PRKN: variants seen among roughly 807,000 people sequenced by gnomAD.
PRKN encodes the protein E3 ubiquitin-protein ligase parkin.
A neutral mutation model predicts 59.5 loss-of-function variants in PRKN; 56 were observed. The ratio of observed to expected loss-of-function variants is 0.94; its 90% CI spans 0.76 to 1.18. The LOEUF (loss-of-function observed/expected upper bound fraction) is 1.18, where lower values mean the gene tolerates loss of function less well. Among genes scored for constraint, PRKN ranks in the 50% most tolerant of loss-of-function variants. The pLI is 0.00. For missense variants in PRKN, 657 were observed against 596.4 expected (o/e 1.10, Z -1.06); for synonymous variants, 250 against 222.1 (o/e 1.13, Z -1.12).
chr6:161,785,802 G>T lies in PRKN; in HGVS notation c.841C>A (p.Pro281Thr), dbSNP rs1790390305. Reference protein sequence around the residue: ...RLNDRQFVHDPQLGYSLPCVA... With the variant: ...RLNDRQFVHDTQLGYSLPCVA... ...CAAGGCAGGGAGTAGCCAAGTTGAG[G>T]GTCGTGAACAAACTGCCGATCATTG... is the stretch of plus-strand genomic sequence containing the variant. Residue 281 changes from proline to threonine, a missense_variant, in exon 7 of 12, where the codon CCT (proline) becomes ACT (threonine). Pro to Thr is a conservative substitution (Grantham distance 38). Transcript: ENST00000366898. 2 of 1,614,084 alleles carry T rather than the reference G, an allele frequency of 1.2e-6. No individual in the cohort carries two copies. The highest frequency in any genetic ancestry group is 1.1e-5 in the South Asian group (1 of 91,034).
At chr6:162,511,369 G>C (rs1777609521) in intron 1 of PRKN, among the ~76,000 whole-genome samples, 1 of 151,790 alleles carries the variant, frequency 6.6e-6, no homozygotes, top group Non-Finnish European at 1.5e-5. Context: ...TTGCCTTAAA[G>C]TGCAGTTTGT....
In PRKN at chr6:161,365,152, AG is replaced by A. The variant is rs1490273284; in HGVS notation, c.1168-4948del. Among the ~76,000 whole-genome samples the A allele has an allele frequency of 2.8e-5, 4 of 143,158 alleles. No individual in the cohort carries two copies. The East Asian group carries it at 7.7e-4, about 28-fold the overall frequency. 93.9% of individuals were successfully genotyped at this position (143,158 alleles called of 152,430 possible). A position where few individuals can be genotyped will look rare whatever the true frequency, so the allele number is the denominator to read the frequency against. On this transcript the variant is annotated intron_variant, in intron 10 of 11. Transcript: ENST00000366898. ...GGAAATGGCAAACAAAAGAGTCAAAAGAAAGGCAAGAAGTAAAAGTAAAACT... is the reference window on the plus strand; with the variant it reads ...GGAAATGGCAAACAAAAGAGTCAAAAAAAGGCAAGAAGTAAAAGTAAAACT...
At chr6:161,833,624 G>C (rs1328105243) in intron 6 of PRKN, among the ~76,000 whole-genome samples, 1 of 152,114 alleles carries the variant, frequency 6.6e-6, no homozygotes, top group African/African-American at 2.4e-5. Context: ...TCGGATGTCC[G>C]GGTGGGCAGG....
At chr6:162,134,378 C>T (rs183331445) in intron 4 of PRKN, among the ~76,000 whole-genome samples, 1 of 152,156 alleles carries the variant, frequency 6.6e-6, no homozygotes, top group African/African-American at 2.4e-5. Flanking sequence ...CCTTGCTTTC[C>T]TTTGTTTTGT....
intron 1 of PRKN, among the ~76,000 whole-genome samples, chr6:162,660,740 T>A (rs978933353): frequency 6.6e-6 from 1 of 152,002 alleles, no homozygotes; most frequent in African/African-American, 2.4e-5. Context: ...ATGGGATGAG[T>A]GATTGCTGTC....
chr6:162,571,008 T>G (rs1780299883), intron 1 of PRKN, among the ~76,000 whole-genome samples: 1 of 152,198 alleles, frequency 6.6e-6, no homozygotes, highest in Non-Finnish European at 1.5e-5. Flanking sequence ...GTTGTGATTA[T>G]TTCACATTGC....
chr6:161,920,221 T>C (rs547750085), intron 6 of PRKN, among the ~76,000 whole-genome samples: 9 of 152,076 alleles, frequency 5.9e-5, no homozygotes, highest in African/African-American at 1.7e-4. Context: ...CTGTCTCTAC[T>C]CAAGGTACAA....
rs1355711172 is a variant in PRKN, at chr6:161,592,595, A to G, written c.872-23179T>C. On this transcript the variant is annotated intron_variant, in intron 7 of 11. Transcript: ENST00000366898. This position sits in a 1 kb window ranked among gnomAD's most constrained non-coding sequence, Gnocchi z 4.8. Reference sequence around the variant, plus strand: ...GCTCAGGGGATTTACACTCCACTAGATGATACTTAAGTACACAAACTAAAG... The same window carrying G: ...GCTCAGGGGATTTACACTCCACTAGGTGATACTTAAGTACACAAACTAAAG... 6.6e-6 allele frequency among the ~76,000 whole-genome samples: 1 copy of G among 152,164 alleles called. No homozygotes were observed.
chr6:161,477,162 T>C (rs1028662621), intron 9 of PRKN, among the ~76,000 whole-genome samples: 1 of 152,208 alleles, frequency 6.6e-6, no homozygotes, highest in Non-Finnish European at 1.5e-5. Flanking sequence ...TTTAAAAGTA[T>C]TAAAAACATG....
chr6:161,396,883 C>T lies in PRKN; in HGVS notation c.1084-10006G>A, dbSNP rs1333374789. 7.9e-5 allele frequency among the ~76,000 whole-genome samples: 12 copies of T among 152,202 alleles called. No homozygotes were observed. The highest frequency in any genetic ancestry group is 1.6e-4 in the Non-Finnish European group (11 of 68,048). Reference sequence around the variant, plus strand: ...CTGAACATGTTTGGGGACACCCTGCCAGCACATCTTACAGACTTTTGTCTT... The same window carrying T: ...CTGAACATGTTTGGGGACACCCTGCTAGCACATCTTACAGACTTTTGTCTT... On this transcript the variant is annotated intron_variant, in intron 9 of 11. Transcript: ENST00000366898. This position sits in a 1 kb window ranked among gnomAD's most constrained non-coding sequence, Gnocchi z 5.4.
At chr6:162,586,613 T>G (rs986734294) in intron 1 of PRKN, among the ~76,000 whole-genome samples, 1 of 152,186 alleles carries the variant, frequency 6.6e-6, no homozygotes, top group Non-Finnish European at 1.5e-5. Context: ...ACTTGAAATC[T>G]ACCACGAGGG....
intron 2 of PRKN, among the ~76,000 whole-genome samples, chr6:162,364,896 T>C (rs1177853773): frequency 2.6e-5 from 4 of 151,878 alleles, no homozygotes. Context: ...ACGCCATAGG[T>C]AGTCACAGAA....
chr6:162,363,656 A>T (rs541685597), intron 2 of PRKN, among the ~76,000 whole-genome samples: 1 of 152,274 alleles, frequency 6.6e-6, no homozygotes, highest in African/African-American at 2.4e-5. Context: ...AAAACCTTTT[A>T]AAAAGATTAT....
At chr6:161,738,581 C>A (rs1231618065) in intron 7 of PRKN, among the ~76,000 whole-genome samples, 5 of 152,200 alleles carry the variant, frequency 3.3e-5, no homozygotes, top group Non-Finnish European at 7.3e-5. Flanking sequence ...GCCACCAGCT[C>A]CCACACACGC....
In PRKN at chr6:161,483,874, C is replaced by CAGGG. The variant is rs1381958804; in HGVS notation, c.1083+64976_1083+64979dup. 6.6e-6 allele frequency among the ~76,000 whole-genome samples: 1 copy of CAGGG among 152,162 alleles called. No homozygotes were observed. Among genetic ancestry groups the CAGGG allele is most frequent in the African/African-American group, 2.4e-5 (1 of 41,434 alleles). On this transcript the variant is annotated intron_variant, in intron 9 of 11. Transcript: ENST00000366898. The surrounding 1 kb of genome is among the most constrained non-coding windows in gnomAD (Gnocchi z 5.0). ...AAAAGGAACAAGACCATATCCTTTG[C>CAGGG]AGGGACATGGATGAAGCTGGAAACC...
intron 2 of PRKN, among the ~76,000 whole-genome samples, chr6:162,324,292 A>G (rs1783169931): frequency 6.6e-6 from 1 of 151,914 alleles, no homozygotes; most frequent in Non-Finnish European, 1.5e-5. Context: ...AAGAGTGGGG[A>G]AGGTGCCGCA....
In PRKN at chr6:161,386,721, C is replaced by T. The variant is rs543017610; in HGVS notation, c.1167+73G>A. On this transcript the variant is annotated intron_variant, in intron 10 of 11. Transcript: ENST00000366898. This position sits in a 1 kb window ranked among gnomAD's most constrained non-coding sequence, Gnocchi z 4.3. ...TTTTTTAGAATGGAACTCTCCATGA[C>T]CTCCAGGAAACGGCTCCAGTCCCCC... 1.7e-5 allele frequency: 20 copies of T among 1,152,328 alleles called. No individual in the cohort carries two copies. Among genetic ancestry groups the T allele is most frequent in the Non-Finnish European group, 2.4e-5 (18 of 758,452 alleles). The allele number at this position is 1,152,328 out of a possible 1,614,324, so 71.4% of individuals were successfully genotyped here.
At chr6:162,232,992 GTGTT>G (rs775756791) in intron 3 of PRKN, among the ~76,000 whole-genome samples, 15 of 152,110 alleles carry the variant, frequency 9.9e-5, no homozygotes, top group Non-Finnish European at 1.9e-4. Flanking sequence ...GCATAAAAGT[GTGTT>G]TATTTATTTT....
intron 2 of PRKN, among the ~76,000 whole-genome samples, chr6:162,268,035 ACATTG>A (rs1448357955): frequency 6.6e-6 from 1 of 152,216 alleles, no homozygotes; most frequent in Non-Finnish European, 1.5e-5. Flanking sequence ...CATTATTAAT[ACATTG>A]TTTTCAGGAG....
Sources: allele counts gnomAD v4.1 joint callset (sites outside exome capture counted in the v4.1 genomes callset), GRCh38; gene constraint gnomAD v4.1.1; non-coding constraint Gnocchi (gnomAD v3.1); transcripts MANE v1.5; gene names NCBI Gene and HGNC (gene_info 2026-07-23, HGNC 2026-07-21).